The following EPG5 variants were observed in gnomAD, a reference collection of about 807,000 sequenced individuals.
The protein encoded by EPG5 is ectopic P-granules 5 autophagy tethering factor.
EPG5 carries 159 observed loss-of-function variants against 302.7 expected under a neutral mutation model. The observed-to-expected ratio is 0.53, with a 90% CI of 0.46 to 0.60. The LOEUF (loss-of-function observed/expected upper bound fraction) is 0.60. Ranked by LOEUF, EPG5 falls within the 20% of genes least tolerant of loss-of-function variation. The pLI, the probability that EPG5 is intolerant of heterozygous loss-of-function variation, is 0.00. For missense variants in EPG5, 2,896 were observed against 3,092.4 expected (o/e 0.94, Z 1.51); for synonymous variants, 1,158 against 1,136.8 (o/e 1.02, Z -0.37).
the EPG5 span, among the ~76,000 whole-genome samples, chr18:45,807,028 G>A: frequency 8.5e-5 from 13 of 152,080 alleles, no homozygotes; most frequent in Non-Finnish European, 1.8e-4. Context: ...ATTGGCAGGC[G>A]GGGGGCAGGG....
At chr18:45,919,945 A>G (rs538281965) in intron 16 of EPG5, among the ~76,000 whole-genome samples, 1 of 152,322 alleles carries the variant, frequency 6.6e-6, no homozygotes, top group Admixed American at 6.5e-5. Context: ...TATAAAGAGT[A>G]TGTTCCTAAG....
At chr18:45,928,813 T>G in intron 13 of EPG5, 56 bp downstream of exon 13, 1 of 1,556,432 alleles carries the variant, frequency 6.4e-7, no homozygotes, top group Non-Finnish European at 8.7e-7. Context: ...TTTTTGCCAA[T>G]GTTCCATTAC....
At chr18:45,912,242 C>A in intron 22 of EPG5, 48 bp downstream of exon 22, 1 of 1,492,498 alleles carries the variant, frequency 6.7e-7, no homozygotes, top group Non-Finnish European at 9.0e-7. Context: ...GAGAGCAGTG[C>A]AAAGGCAGAA....
At chr18:45,891,544 C>G (rs141573496) in intron 27 of EPG5, among the ~76,000 whole-genome samples, 1 of 151,500 alleles carries the variant, frequency 6.6e-6, no homozygotes, top group African/African-American at 2.4e-5. Context: ...ATGGTCCTTC[C>G]TATTTGTTTT....
chr18:45,906,367 T>C (rs1018881062), intron 24 of EPG5, among the ~76,000 whole-genome samples: 4 of 152,324 alleles, frequency 2.6e-5, no homozygotes, highest in East Asian at 1.9e-4. Flanking sequence ...ATTTCATTCC[T>C]ACTCATCTCT....
chr18:45,880,151 C>T lies in EPG5; in HGVS notation c.5591G>A (p.Ser1864Asn), dbSNP rs34064739. ...GGTGGACGCTGCCCCCTGCTGGCAG[C>T]TGGGGGCGCAGCAGCCCAGGGCTCT... ...TLRALGCCAP[S>N]CQQGAASTEG... Residue 1864 changes from serine to asparagine, a missense_variant, in exon 32 of 44, where the codon AGC (serine) becomes AAC (asparagine). By Grantham distance (46) the Ser-to-Asn change is conservative. This residue lies in a region of EPG5 where 790 missense variants were observed against 798.0 expected (regional missense o/e 0.99). Transcript: ENST00000282041. The T allele has an allele frequency of 9.1e-3, 14,738 of 1,611,596 alleles. 1,157 individuals are homozygous for T. The African/African-American group carries it at 0.17, about 19-fold the overall frequency.
the EPG5 span, among the ~76,000 whole-genome samples, chr18:45,801,532 A>G: frequency 1.3e-5 from 2 of 152,204 alleles, no homozygotes; most frequent in African/African-American, 4.8e-5. Flanking sequence ...AACTTGGAGG[A>G]GAAGGTAGTG....
At position 45,851,759 on chromosome 18, in the gene EPG5, C is replaced by T. The variant is rs1316748016; in HGVS notation, c.*708G>A. The T allele has an allele frequency of 6.6e-6, 1 of 152,296 alleles. No individual in the cohort carries two copies. The highest frequency in any genetic ancestry group is 1.5e-5 in the Non-Finnish European group (1 of 68,104). 9.4% of individuals were successfully genotyped at this position (152,296 alleles called of 1,614,324 possible). ...TCACCAAGTGGACCAAACAAAACAT[C>T]TGTGCAAAACATGCTCCTCCCAGAC... On this transcript the variant is annotated 3_prime_UTR_variant, in exon 44 of 44. Transcript: ENST00000282041.
rs2049180070 is a variant in EPG5 at position 45,884,656 on chromosome 18, A to C, written c.5265T>G (p.Ser1755Arg). 1 of 1,609,098 alleles carries C rather than the reference A, an allele frequency of 6.2e-7. No homozygotes were observed. The change falls in exon 30 of 44, where the codon AGT (serine) becomes AGG (arginine). Residue 1755 changes from serine to arginine, a missense_variant. By Grantham distance (110) the Ser-to-Arg change is moderately radical (BLOSUM62 -1). Transcript: ENST00000282041. ...QLYEQVVKFL[S>R]EDNSDMIFML... Reference sequence around the variant, plus strand: ...TGAAAATCATATCACTGTTGTCCTCACTTAGAAACTTCACCACTTGCTCAT... The same window carrying C: ...TGAAAATCATATCACTGTTGTCCTCCCTTAGAAACTTCACCACTTGCTCAT...
At chr18:45,801,925 G>A in the EPG5 span, among the ~76,000 whole-genome samples, 1 of 152,122 alleles carries the variant, frequency 6.6e-6, no homozygotes, top group Non-Finnish European at 1.5e-5. Context: ...CCTAGGGAGG[G>A]CTGAGCTTTA....
intron 36 of EPG5, chr18:45,868,034 C>A: frequency 2.0e-6 from 1 of 500,840 alleles, no homozygotes; most frequent in South Asian, 1.5e-5. Context: ...GGTGGAGAAT[C>A]GCTGCCACAG....
At position 45,948,510 on chromosome 18, in the gene EPG5, G is replaced by A. The variant is rs748453305; in HGVS notation, c.1564C>T (p.Pro522Ser). The change falls in exon 6 of 44, where the codon CCT (proline) becomes TCT (serine). Residue 522 changes from proline to serine, a missense_variant. Pro to Ser is a moderately conservative substitution (Grantham distance 74). Around this residue, in one of 5 missense-constraint regions of EPG5, gnomAD observed 1,390 missense variants for 1,430.0 expected, o/e 0.97. Transcript: ENST00000282041. ...FMQSLALLMS[P>S]VKNRAEFMCH... is the part of the protein sequence containing the mutation. ...AAGCTCTTGCACACTTACTTGACAG[G>A]AGACATCAGCAGGGCAAGGGATTGC... 1.9e-6 allele frequency: 3 copies of A among 1,612,770 alleles called. No homozygotes were observed. The highest frequency in any genetic ancestry group is 1.1e-5 in the South Asian group (1 of 91,036).
intron 5 of EPG5, 150 bp from the exon 6 acceptor site, chr18:45,948,726 G>A (rs554650425): frequency 1.6e-6 from 1 of 626,024 alleles, no homozygotes; most frequent in East Asian, 2.8e-5. Context: ...ACAGCCCATG[G>A]GTTACCTGGT....
At chr18:45,942,272 T>C (rs1028890247) in intron 9 of EPG5, among the ~76,000 whole-genome samples, 2 of 151,954 alleles carry the variant, frequency 1.3e-5, no homozygotes, top group Non-Finnish European at 2.9e-5. Context: ...CTATAATCAC[T>C]TGACTGATTT....
chr18:45,916,828 T>C, intron 17 of EPG5: 2 of 274,948 alleles, frequency 7.3e-6, no homozygotes, highest in Non-Finnish European at 1.4e-5. Flanking sequence ...TTAAACAGCA[T>C]TAGAGGAAAA....
At chr18:45,822,038 C>A in the EPG5 span, among the ~76,000 whole-genome samples, 1 of 152,164 alleles carries the variant, frequency 6.6e-6, no homozygotes, top group Admixed American at 6.5e-5. Context: ...ATTCAGCAAT[C>A]CCAGTAGGGG....
the EPG5 span, among the ~76,000 whole-genome samples, chr18:45,841,709 G>T: frequency 6.6e-6 from 1 of 152,182 alleles, no homozygotes; most frequent in Non-Finnish European, 1.5e-5. Flanking sequence ...AAGACAAGAG[G>T]AGAAGAGAGT....
chr18:45,867,746 C>T lies in EPG5; in HGVS notation c.6228G>A (p.Val2076=). The change falls in exon 37 of 44, where the codon GTG becomes GTA. Residue 2076 remains valine, a splice_region_variant and synonymous_variant. Coordinates refer to ENST00000282041, the MANE Select transcript of EPG5 (RefSeq NM_020964.3). ...DQMLMEAFFK[V]ERGSPKSCFL... ...AACAGCTCTTGGGGCTTCCTCGTTC[C>T]ACCTAAAAGAAAATGAATTAAAATC... 1.1e-5 allele frequency: 17 copies of T among 1,589,314 alleles called. No homozygotes were observed. The highest frequency in any genetic ancestry group is 1.4e-5 in the Non-Finnish European group (16 of 1,169,128).
the EPG5 span, chr18:45,825,832 A>T: frequency 6.3e-7 from 1 of 1,593,636 alleles, no homozygotes; most frequent in African/African-American, 1.3e-5. Context: ...ATAGATGCTG[A>T]AAGCATCTTA....
Sources: allele counts gnomAD v4.1 joint callset (sites outside exome capture counted in the v4.1 genomes callset), GRCh38; gene constraint gnomAD v4.1.1; regional missense constraint gnomAD v4.1.1; transcripts MANE v1.5; gene names NCBI Gene and HGNC (gene_info 2026-07-23, HGNC 2026-07-21).